PCDHGA3: variants seen among roughly 807,000 people sequenced by gnomAD.
The protein encoded by PCDHGA3 is protocadherin gamma-A3.
A neutral mutation model predicts 58.5 loss-of-function variants in PCDHGA3; 40 were observed. The ratio of observed to expected loss-of-function variants is 0.68; its 90% CI spans 0.53 to 0.89. The LOEUF (loss-of-function observed/expected upper bound fraction) is 0.89. PCDHGA3 is among the 40% of genes least tolerant of loss of function. The pLI, the probability that PCDHGA3 is intolerant of heterozygous loss-of-function variation, is 0.00. For missense variants in PCDHGA3, 1,223 were observed against 1,195.9 expected (o/e 1.02, Z -0.33); for synonymous variants, 530 against 525.7 (o/e 1.01, Z -0.11).
At chr5:141,495,270 G>A (rs1428903664) in intron 2 of PCDHGA3, among the ~76,000 whole-genome samples, 1 of 152,178 alleles carries the variant, frequency 6.6e-6, no homozygotes, top group African/African-American at 2.4e-5. Context: ...GCATTTGACC[G>A]GAGGAGGCGG....
chr5:141,480,816 G>A (rs1400500941), intron 1 of PCDHGA3, among the ~76,000 whole-genome samples: 4 of 152,208 alleles, frequency 2.6e-5, no homozygotes, highest in Admixed American at 2.0e-4. Flanking sequence ...GGAGGCTGAG[G>A]TGGGTGGATC....
At chr5:141,409,520 T>TTG (rs767613304) in intron 1 of PCDHGA3, 2 of 1,613,966 alleles carry the variant, frequency 1.2e-6, no homozygotes, top group East Asian at 4.5e-5. Flanking sequence ...AAGCATCACC[T>TTG]TGTATGTCGC....
intron 1 of PCDHGA3, chr5:141,360,071 C>G (rs1437890695): frequency 6.8e-7 from 1 of 1,472,642 alleles, no homozygotes; most frequent in Non-Finnish European, 9.0e-7. Context: ...TGACCTTAGC[C>G]CGGATTCTGC....
At chr5:141,384,071 CT>C in intron 1 of PCDHGA3, 1 of 1,603,192 alleles carries the variant, frequency 6.2e-7, no homozygotes. Context: ...GAAAACCTAC[CT>C]TTTAAATTAG....
chr5:141,490,473 T>C lies in PCDHGA3; in HGVS notation c.2425-4334T>C. 6.2e-7 allele frequency: 1 copy of C among 1,614,228 alleles called. No homozygotes were observed. Among genetic ancestry groups the C allele is most frequent in the East Asian group, 2.2e-5 (1 of 44,878 alleles). On this transcript the variant is annotated intron_variant, in intron 1 of 3. Transcript: ENST00000253812. This position sits in a 1 kb window ranked among gnomAD's most constrained non-coding sequence, Gnocchi z 5.4. ...ACTACTCGCTGCTAACCAGCCAGCC[T>C]TTGGACCGGGAGGCCACATCCCACT...
At chr5:141,375,133 A>G in intron 1 of PCDHGA3, 2 of 1,613,958 alleles carry the variant, frequency 1.2e-6, no homozygotes, top group Non-Finnish European at 1.7e-6. Flanking sequence ...TGGTTGTTAC[A>G]TCTGGAAGCA....
chr5:141,444,282 C>T (rs1341316344), intron 1 of PCDHGA3, among the ~76,000 whole-genome samples: 1 of 148,268 alleles, frequency 6.7e-6, no homozygotes, highest in African/African-American at 2.5e-5. Flanking sequence ...AGTGATTCTC[C>T]TGCCTCAGCC....
At chr5:141,428,020 C>A (rs1443722620) in intron 1 of PCDHGA3, 1 of 1,605,408 alleles carries the variant, frequency 6.2e-7, no homozygotes, top group Admixed American at 1.7e-5. Context: ...GTGCCACGCG[C>A]CGCAGAGTCC....
Position 141,389,991 on chromosome 5 carries a change from G to C in PCDHGA3, c.2424+43534G>C, listed in dbSNP as rs561094692. The C allele has an allele frequency of 4.3e-6, 7 of 1,613,898 alleles. No homozygotes were observed. The Admixed American group carries it at 5.0e-5, about 12-fold the overall frequency. ...GGCCTTGATCTCAGTGCTCTTCCTC[G>C]TGGCCATGATTCTGGCCATTGCCTT... On this transcript the variant is annotated intron_variant, in intron 1 of 3. Transcript: ENST00000253812.
chr5:141,441,882 C>A, intron 1 of PCDHGA3: 1 of 343,664 alleles, frequency 2.9e-6, no homozygotes, highest in South Asian at 2.6e-5. Context: ...GCTACCTGGT[C>A]ACCAAGGTGG....
Position 141,376,056 on chromosome 5 carries a change from T to C in PCDHGA3, c.2424+29599T>C, listed in dbSNP as rs768295127. 1.1e-5 allele frequency: 18 copies of C among 1,613,354 alleles called. No individual in the cohort carries two copies. In the South Asian group the frequency reaches 1.9e-4, roughly 17 times the overall value. ...GGCCAGCCCCCTCTCTCCGCCACTG[T>C]CACGCTCACCGTGGCCGTGGCCGAC... On this transcript the variant is annotated intron_variant, in intron 1 of 3. Coordinates refer to ENST00000253812, the MANE Select transcript of PCDHGA3 (RefSeq NM_018916.4).
intron 2 of PCDHGA3, among the ~76,000 whole-genome samples, chr5:141,504,506 A>T (rs575756846): frequency 1.3e-5 from 2 of 152,096 alleles, no homozygotes; most frequent in African/African-American, 4.8e-5. Context: ...GTCTGAGTGG[A>T]TCTCCTCTGA....
intron 1 of PCDHGA3, chr5:141,365,395 G>T (rs753717509): frequency 5.6e-6 from 9 of 1,613,978 alleles, no homozygotes; most frequent in Non-Finnish European, 7.6e-6. Flanking sequence ...TGACCAGTTC[G>T]ATCTCTGAAG....
At chr5:141,383,550 C>T (rs1475330366) in intron 1 of PCDHGA3, 3 of 1,611,980 alleles carry the variant, frequency 1.9e-6, no homozygotes, top group Non-Finnish European at 1.7e-6. Flanking sequence ...CCTCTGATGG[C>T]GGCGACCCGC....
At chr5:141,420,945 G>C in intron 1 of PCDHGA3, 1 of 396,520 alleles carries the variant, frequency 2.5e-6, no homozygotes, top group South Asian at 5.1e-5. Flanking sequence ...ATTTCTTCTG[G>C]AATTTCTTAG....
At chr5:141,388,539 G>T (rs747974278) in intron 1 of PCDHGA3, 1 of 1,613,740 alleles carries the variant, frequency 6.2e-7, no homozygotes. Context: ...GGACTTTGGA[G>T]CTCCACCCCT....
At position 141,484,779 on chromosome 5, in the gene PCDHGA3, C is replaced by G. The variant is rs186158562; in HGVS notation, c.2425-10028C>G. On this transcript the variant is annotated intron_variant, in intron 1 of 3. Transcript: ENST00000253812. ...ATATATATATATGTTGTCTGCCTCCCCACAGAGATAACAACCCGTGGAAAA... is the reference window on the plus strand; with the variant it reads ...ATATATATATATGTTGTCTGCCTCCGCACAGAGATAACAACCCGTGGAAAA... Among the ~76,000 whole-genome samples, 137 of 152,130 alleles carry G rather than the reference C, an allele frequency of 9.0e-4. 1 individual carries two copies. Among genetic ancestry groups the G allele is most frequent in the Non-Finnish European group, 1.6e-3 (110 of 67,996 alleles).
intron 1 of PCDHGA3, chr5:141,405,358 A>T: frequency 6.2e-7 from 1 of 1,613,900 alleles, no homozygotes; most frequent in East Asian, 2.2e-5. Flanking sequence ...TTCCTATAGA[A>T]GACACCCCTT....
intron 1 of PCDHGA3, among the ~76,000 whole-genome samples, chr5:141,472,924 T>G (rs1247655318): frequency 2.0e-5 from 3 of 147,960 alleles, no homozygotes; most frequent in African/African-American, 7.5e-5. Flanking sequence ...AGGAGGAGGT[T>G]GTGGTGAGCC....
Sources: allele counts gnomAD v4.1 joint callset (sites outside exome capture counted in the v4.1 genomes callset), GRCh38; gene constraint gnomAD v4.1.1; non-coding constraint Gnocchi (gnomAD v3.1); transcripts MANE v1.5; gene names NCBI Gene and HGNC (gene_info 2026-07-23, HGNC 2026-07-21).